Variants in CDC73 observed in about 807,000 individuals in gnomAD.
The protein encoded by CDC73 is parafibromin.
CDC73 carries 21 observed loss-of-function variants against 83.7 expected under a neutral mutation model. The observed-to-expected ratio is 0.25, with a 90% CI of 0.18 to 0.36. The LOEUF is 0.36. Ranked by LOEUF, CDC73 falls within the 10% of genes least tolerant of loss-of-function variation. The pLI is 1.00. For synonymous variants in CDC73, 224 were observed against 212.9 expected (o/e 1.05, Z -0.45); for missense variants, 342 against 653.3 (o/e 0.52, Z 5.19).
chr1:193,147,379 T>C (rs1676020081), intron 7 of CDC73, among the ~76,000 whole-genome samples: 1 of 151,694 alleles, frequency 6.6e-6, no homozygotes, highest in Non-Finnish European at 1.5e-5. Flanking sequence ...TTTTCTTTTT[T>C]TTTTTTGAGA....
At chr1:193,141,507 CTG>C (rs564049164) in intron 6 of CDC73, among the ~76,000 whole-genome samples, 1 of 152,046 alleles carries the variant, frequency 6.6e-6, no homozygotes, top group African/African-American at 2.4e-5. Context: ...AAAGTGGCAT[CTG>C]TGTGTGTGTT....
chr1:193,178,221 T>A (rs1438141178), intron 10 of CDC73, among the ~76,000 whole-genome samples: 1 of 152,138 alleles, frequency 6.6e-6, no homozygotes, highest in Non-Finnish European at 1.5e-5. Context: ...TACTGTTTGA[T>A]CCAGTCGCCT....
At chr1:193,201,198 T>C (rs1558308781) in intron 10 of CDC73, among the ~76,000 whole-genome samples, 1 of 152,184 alleles carries the variant, frequency 6.6e-6, no homozygotes, top group East Asian at 1.9e-4. Flanking sequence ...AACATTTTTT[T>C]TCTATTGCAA....
chr1:193,210,144 A>G (rs956885651), intron 11 of CDC73, among the ~76,000 whole-genome samples: 6 of 152,200 alleles, frequency 3.9e-5, no homozygotes, highest in Admixed American at 1.3e-4. Flanking sequence ...TAGTAAAGGC[A>G]TATGTCTCAG....
At chr1:193,152,297 G>A (rs1026917945) in intron 9 of CDC73, 83 bp from the exon 10 acceptor site, 8 of 844,364 alleles carry the variant, frequency 9.5e-6, no homozygotes, top group East Asian at 2.6e-5. Flanking sequence ...CACATTCAAT[G>A]TAGATTATTA....
intron 10 of CDC73, among the ~76,000 whole-genome samples, chr1:193,176,017 C>A (rs1412570762): frequency 6.6e-6 from 1 of 151,854 alleles, no homozygotes; most frequent in Non-Finnish European, 1.5e-5. Flanking sequence ...TTTCATTAAC[C>A]TTTTCAGAAG....
At chr1:193,153,183 C>T (rs966535167) in intron 10 of CDC73, among the ~76,000 whole-genome samples, 1 of 152,028 alleles carries the variant, frequency 6.6e-6, no homozygotes, top group Non-Finnish European at 1.5e-5. Context: ...TGAATATAAG[C>T]CTTTGGTTCA....
chr1:193,209,847 G>C lies in CDC73; in HGVS notation c.1031-2218G>C, dbSNP rs145961425. On this transcript the variant is annotated intron_variant, in intron 11 of 16. Coordinates refer to ENST00000367435, the MANE Select transcript of CDC73 (RefSeq NM_024529.5). ...TACTTCAGTCAGAGATTTCTCCCTT[G>C]CTCTCTCTTTCTTCTTCCCTCTCTT... Among the ~76,000 whole-genome samples the C allele has an allele frequency of 1.8e-3, 281 of 151,910 alleles. 3 individuals are homozygous for C. The highest frequency in any genetic ancestry group is 6.4e-3 in the African/African-American group (266 of 41,448).
intron 2 of CDC73, among the ~76,000 whole-genome samples, chr1:193,126,009 C>G (rs1247424378): frequency 3.3e-5 from 5 of 152,002 alleles, no homozygotes; most frequent in Non-Finnish European, 1.5e-5. Flanking sequence ...GCTGGTAATC[C>G]CAGCTACTTG....
chr1:193,181,271 T>G (rs1486738876), intron 10 of CDC73: 1 of 1,613,958 alleles, frequency 6.2e-7, no homozygotes, highest in African/African-American at 1.3e-5. Flanking sequence ...TTATTAGAGT[T>G]AGTTGCTGTT....
chr1:193,123,218 G>C (rs1675497151), intron 1 of CDC73, among the ~76,000 whole-genome samples: 1 of 152,134 alleles, frequency 6.6e-6, no homozygotes, highest in Admixed American at 6.5e-5. Flanking sequence ...AATTTAGTTT[G>C]TTGGTTGGTA....
intron 13 of CDC73, among the ~76,000 whole-genome samples, chr1:193,220,364 A>G (rs540546764): frequency 4.2e-4 from 64 of 151,902 alleles, no homozygotes; most frequent in African/African-American, 9.4e-4. Context: ...GGGTTTCACC[A>G]TGTTGGTCAG....
intron 10 of CDC73, among the ~76,000 whole-genome samples, chr1:193,202,676 T>G (rs1488789782): frequency 6.6e-6 from 1 of 151,404 alleles, no homozygotes; most frequent in African/African-American, 2.4e-5. Context: ...CGGCTGTTGT[T>G]TCTTGTAATA....
At chr1:193,224,274 CA>C (rs1677522488) in intron 13 of CDC73, among the ~76,000 whole-genome samples, 1 of 151,852 alleles carries the variant, frequency 6.6e-6, no homozygotes, top group African/African-American at 2.4e-5. Context: ...ATACGAGAAA[CA>C]GCATAAAGTC....
chr1:193,243,195 C>T (rs1394131312), intron 15 of CDC73, among the ~76,000 whole-genome samples: 3 of 152,158 alleles, frequency 2.0e-5, no homozygotes, highest in Non-Finnish European at 4.4e-5. Flanking sequence ...TCTCCTTGGC[C>T]TCCCAAAGTG....
At chr1:193,136,727 G>C (rs925093414) in intron 5 of CDC73, 14 of 159,060 alleles carry the variant, frequency 8.8e-5, no homozygotes, top group African/African-American at 3.4e-4. Flanking sequence ...ATTGTGACCT[G>C]TGGTAAACAA....
At chr1:193,135,679 TGAG>T in intron 5 of CDC73, 90 bp downstream of exon 5, 1 of 1,051,470 alleles carries the variant, frequency 9.5e-7, no homozygotes, top group Non-Finnish European at 1.4e-6. Flanking sequence ...TGCAGTAACC[TGAG>T]GAGCTTTTTT....
chr1:193,168,018 G>A (rs1338715569), intron 10 of CDC73, among the ~76,000 whole-genome samples: 1 of 151,958 alleles, frequency 6.6e-6, no homozygotes, highest in Non-Finnish European at 1.5e-5. Context: ...CTGCCACCAC[G>A]ACTGGCTAAT....
chr1:193,176,427 G>C (rs1030048051), intron 10 of CDC73, among the ~76,000 whole-genome samples: 15 of 152,166 alleles, frequency 9.9e-5, no homozygotes, highest in African/African-American at 3.6e-4. Context: ...GTTGTCCTTG[G>C]ATCCATTTGC....
Sources: gnomAD v4.1 joint callset for allele counts (sites outside exome capture counted in the v4.1 genomes callset) on GRCh38, gnomAD v4.1.1 for gene constraint, MANE v1.5 for transcripts, NCBI Gene and HGNC (gene_info 2026-07-23, HGNC 2026-07-21) for gene names.